The following STX5 variants were observed in gnomAD, a reference collection of about 807,000 sequenced individuals.
STX5 encodes the protein syntaxin-5.
STX5 carries 15 observed loss-of-function variants against 42.9 expected under a neutral mutation model. That is an observed-to-expected ratio of 0.35 (90% confidence interval 0.23 to 0.54). The LOEUF (loss-of-function observed/expected upper bound fraction) is 0.54. STX5 is among the 20% of genes least tolerant of loss of function. STX5 has a pLI of 0.91. For synonymous variants in STX5, 184 were observed against 173.2 expected, an observed-to-expected ratio of 1.06 and a Z score of -0.49; for missense variants, 430 against 455.0, an observed-to-expected ratio of 0.95 and a Z score of 0.50.
At chr11:62,814,196 G>A (rs375801403) in intron 10 of STX5, among the ~76,000 whole-genome samples, 8 of 152,076 alleles carry the variant, frequency 5.3e-5, no homozygotes, top group Admixed American at 1.3e-4. Flanking sequence ...ATGGAGTTTC[G>A]CTCTTGTTGC....
intron 10 of STX5, among the ~76,000 whole-genome samples, chr11:62,823,120 G>A (rs2084757123): frequency 6.6e-6 from 1 of 151,884 alleles, no homozygotes. Context: ...CTGCTTAAAT[G>A]TCATGTCTTC....
Position 62,807,645 on chromosome 11 carries a change from G to C in STX5, c.909-17C>G. The stretch of plus-strand genomic sequence containing the variant: ...TCGTCGATCCTGGGGACAAGGCCGG[G>C]AGAAGAGGAAACAAAAGGACACTGG... On this transcript the variant is annotated splice_polypyrimidine_tract_variant and intron_variant, in intron 10 of 10. Coordinates refer to ENST00000294179, the MANE Select transcript of STX5 (RefSeq NM_003164.5). 7 of 1,613,742 alleles carry C rather than the reference G, an allele frequency of 4.3e-6. No individual in the cohort carries two copies. Among genetic ancestry groups the C allele is most frequent in the Non-Finnish European group, 5.1e-6 (6 of 1,179,852 alleles).
At chr11:62,824,904 C>T (rs1331166424) in intron 8 of STX5, 132 bp downstream of exon 8, 1 of 862,094 alleles carries the variant, frequency 1.2e-6, no homozygotes, top group Non-Finnish European at 1.8e-6. Flanking sequence ...CTGGTTTGGC[C>T]TCTGAGAGAT....
At chr11:62,827,437 G>A (rs2084808771) in intron 3 of STX5, 39 bp from the exon 4 acceptor site, 2 of 1,613,262 alleles carry the variant, frequency 1.2e-6, no homozygotes, top group African/African-American at 1.3e-5. Flanking sequence ...GAAAGGGCAG[G>A]ACGCCTTTTC....
chr11:62,824,538 T>C lies in STX5; in HGVS notation c.707A>G (p.Glu236Gly). ...GGCGACATCCTTGGAGGCATGGGACTCTGCCCCCAGAACCACAGCACCACC... is the reference window on the plus strand; with the variant it reads ...GGCGACATCCTTGGAGGCATGGGACCCTGCCCCCAGAACCACAGCACCACC... ...LGGGAVVLGA[E>G]SHASKDVAID... The change falls in exon 9 of 11, where the codon GAG (glutamate) becomes GGG (glycine). Residue 236 changes from glutamate (E) to glycine (G), a missense_variant. Glu to Gly is a moderately conservative substitution (Grantham distance 98). Coordinates refer to ENST00000294179, the MANE Select transcript of STX5 (RefSeq NM_003164.5). 1 of 1,614,156 alleles carries C rather than the reference T, an allele frequency of 6.2e-7. No homozygotes were observed. Among genetic ancestry groups the C allele is most frequent in the Non-Finnish European group, 8.5e-7 (1 of 1,180,026 alleles).
chr11:62,829,782 A>C (rs747102317), intron 2 of STX5, among the ~76,000 whole-genome samples: 4 of 151,216 alleles, frequency 2.6e-5, no homozygotes, highest in Non-Finnish European at 4.4e-5. Flanking sequence ...GGAGAGAGAG[A>C]GGCCAGGTGT....
chr11:62,821,263 G>A lies in STX5; in HGVS notation c.908+2903C>T, dbSNP rs541994715. Among the ~76,000 whole-genome samples the A allele has an allele frequency of 2.0e-5, 3 of 151,844 alleles. No homozygotes were observed. In the East Asian group the frequency reaches 5.8e-4, roughly 30 times the overall value. ...GTGGAGGCTGCAGTGACCTGAGATCGAGCCACTGTACTCTAGCCTGGCAAC... is the reference window on the plus strand; with the variant it reads ...GTGGAGGCTGCAGTGACCTGAGATCAAGCCACTGTACTCTAGCCTGGCAAC... On this transcript the variant is annotated intron_variant, in intron 10 of 10. Transcript: ENST00000294179.
At position 62,824,164 on chromosome 11, in the gene STX5, A is replaced by C; in HGVS notation, c.908+2T>G. 6.2e-7 allele frequency: 1 copy of C among 1,614,104 alleles called. No homozygotes were observed. Among genetic ancestry groups the C allele is most frequent in the Non-Finnish European group, 8.5e-7 (1 of 1,179,994 alleles). On this transcript the variant is annotated splice_donor_variant, in intron 10 of 10. Coordinates refer to ENST00000294179, the MANE Select transcript of STX5 (RefSeq NM_003164.5). LOFTEE classifies it high-confidence loss of function. ...TGTTTGGGGCGAGAGAGTGTATCTC[A>C]CCTCTGAATGGTTTCCTCCTGTTCC...
At chr11:62,828,659 G>A (rs544929481) in intron 2 of STX5, among the ~76,000 whole-genome samples, 1 of 152,114 alleles carries the variant, frequency 6.6e-6, no homozygotes, top group African/African-American at 2.4e-5. Context: ...CTGGGAGGTG[G>A]AGGCTGCCGT....
At chr11:62,808,682 G>C (rs1367237047) in intron 10 of STX5, among the ~76,000 whole-genome samples, 3 of 152,146 alleles carry the variant, frequency 2.0e-5, no homozygotes, top group Non-Finnish European at 4.4e-5. Context: ...CATGGATTTT[G>C]GTTTCCTCTG....
In STX5 at chr11:62,831,154, A is replaced by G. The variant is rs1394644234; in HGVS notation, c.90T>C (p.Thr30=). The change falls in exon 2 of 11, where the codon ACT becomes ACC. Residue 30 remains threonine, a synonymous_variant. Transcript: ENST00000294179. The part of the protein sequence containing the change: ...LSKTQVLSPA[T]AGSSSSDIAP... ...CGATGTCGCTGCTGCTACTGCCAGC[A>G]GTTGCAGGGGACAGGACCTGTGTCT... The G allele has an allele frequency of 6.4e-7, 1 of 1,560,932 alleles. No individual in the cohort carries two copies. The highest frequency in any genetic ancestry group is 1.3e-5 in the African/African-American group (1 of 74,076).
intron 10 of STX5, among the ~76,000 whole-genome samples, chr11:62,823,246 C>T (rs867446139): frequency 7.2e-5 from 11 of 151,876 alleles, no homozygotes; most frequent in Non-Finnish European, 1.6e-4. Flanking sequence ...TCCATCATGG[C>T]TCACTGCAGC....
At chr11:62,820,805 C>A (rs1341738934) in intron 10 of STX5, among the ~76,000 whole-genome samples, 1 of 151,932 alleles carries the variant, frequency 6.6e-6, no homozygotes, top group Non-Finnish European at 1.5e-5. Context: ...CCACTGCACC[C>A]GGCACTATTT....
intron 10 of STX5, among the ~76,000 whole-genome samples, chr11:62,809,274 C>T (rs1248105904): frequency 1.3e-4 from 17 of 126,886 alleles, no homozygotes; most frequent in East Asian, 9.0e-4. Flanking sequence ...GGTGACAGAG[C>T]GAGACTCCGT....
intron 10 of STX5, among the ~76,000 whole-genome samples, chr11:62,819,190 C>T (rs557637913): frequency 1.8e-4 from 22 of 121,070 alleles, no homozygotes; most frequent in South Asian, 1.4e-3. Flanking sequence ...CACTGTACTC[C>T]AGCCTGGGCA....
At chr11:62,826,342 G>A (rs750613339) in intron 5 of STX5, among the ~76,000 whole-genome samples, 2 of 151,984 alleles carry the variant, frequency 1.3e-5, no homozygotes, top group African/African-American at 4.8e-5. Flanking sequence ...CGGATCACCT[G>A]AGGTCAGGAG....
chr11:62,815,562 A>C (rs548058615), intron 10 of STX5, among the ~76,000 whole-genome samples: 2 of 149,998 alleles, frequency 1.3e-5, no homozygotes, highest in Non-Finnish European at 3.0e-5. Context: ...TTTGAGACAG[A>C]GTCTCGCTCT....
Position 62,829,975 on chromosome 11 carries a change from G to A in STX5, c.225+1044C>T, listed in dbSNP as rs187505403. Among the ~76,000 whole-genome samples the A allele has an allele frequency of 6.3e-4, 93 of 148,742 alleles. 2 individuals are homozygous for A. The East Asian group carries it at 0.017, about 28-fold the overall frequency. On this transcript the variant is annotated intron_variant, in intron 2 of 10. Transcript: ENST00000294179. Reference sequence around the variant, plus strand: ...AGCTACTCGAGAGGCTAAGGCAGGAGAATCGCTTGAACCCAGGAAGAGGAG... The same window carrying A: ...AGCTACTCGAGAGGCTAAGGCAGGAAAATCGCTTGAACCCAGGAAGAGGAG...
chr11:62,829,960 G>C (rs1409738206), intron 2 of STX5, among the ~76,000 whole-genome samples: 5 of 151,086 alleles, frequency 3.3e-5, no homozygotes, highest in Non-Finnish European at 5.9e-5. Context: ...AGCTACTCGA[G>C]AGGCTAAGGC....
Sources: allele counts gnomAD v4.1 joint callset (sites outside exome capture counted in the v4.1 genomes callset), GRCh38; gene constraint gnomAD v4.1.1; transcripts MANE v1.5; gene names NCBI Gene and HGNC (gene_info 2026-07-23, HGNC 2026-07-21).